FGF12: variants seen among roughly 807,000 people sequenced by gnomAD.
FGF12 encodes fibroblast growth factor 12B.
In FGF12, 14 loss-of-function variants were observed where a neutral mutation model predicts 23.6. The ratio of observed to expected loss-of-function variants is 0.59; its 90% CI spans 0.39 to 0.93. The LOEUF (loss-of-function observed/expected upper bound fraction) is 0.93, where lower values mean the gene tolerates loss of function less well. FGF12 is among the 40% of genes least tolerant of loss of function. The pLI is 0.00. For missense variants in FGF12, 175 were observed against 217.8 expected, an observed-to-expected ratio of 0.80 and a Z score of 1.24; for synonymous variants, 62 against 77.3, an observed-to-expected ratio of 0.80 and a Z score of 1.04.
At chr3:192,548,025 C>G (rs997501513) in intron 2 of FGF12, among the ~76,000 whole-genome samples, 2 of 152,128 alleles carry the variant, frequency 1.3e-5, no homozygotes, top group Admixed American at 1.3e-4. Flanking sequence ...AAAAACTTTC[C>G]AACTACTACA....
intron 2 of FGF12, among the ~76,000 whole-genome samples, chr3:192,595,965 C>T (rs9831442): frequency 0.33 from 49,834 of 151,246 alleles, 8,525 homozygotes; most frequent in African/African-American, 0.41. Flanking sequence ...TGGTGGTGCA[C>T]GCCTGTAGTC....
intron 4 of FGF12, among the ~76,000 whole-genome samples, chr3:192,209,552 C>G (rs1299910247): frequency 6.6e-6 from 1 of 152,186 alleles, no homozygotes; most frequent in Non-Finnish European, 1.5e-5. Context: ...TCAGGATAAA[C>G]ATGCACAAGA....
chr3:192,718,170 T>TTTTTC (rs1228274185), intron 2 of FGF12, among the ~76,000 whole-genome samples: 1 of 146,798 alleles, frequency 6.8e-6, no homozygotes, highest in African/African-American at 2.5e-5. Flanking sequence ...TCTTTTTTTT[T>TTTTTC]TTTTTTTTTT....
At position 192,677,752 on chromosome 3, in the gene FGF12, C is replaced by T. The variant is rs113333377; in HGVS notation, c.13+49429G>A. 9.6e-3 allele frequency among the ~76,000 whole-genome samples: 1,463 copies of T among 152,250 alleles called. 10 individuals carry two copies. The highest frequency in any genetic ancestry group is 0.031 in the Middle Eastern group (9 of 294). ...ACATATGATGATGCAAAAGACAGAT[C>T]CTGGCCTGTCTTCCGTCTCACACAG... On this transcript the variant is annotated intron_variant, in intron 2 of 5. Transcript: ENST00000445105.
At chr3:192,581,798 T>C (rs1051770303) in intron 2 of FGF12, among the ~76,000 whole-genome samples, 3 of 152,176 alleles carry the variant, frequency 2.0e-5, no homozygotes, top group African/African-American at 7.2e-5. Flanking sequence ...CAAATCTACA[T>C]GGCATGGTGA....
At chr3:192,247,682 A>T (rs6795274) in intron 4 of FGF12, among the ~76,000 whole-genome samples, 1,739 of 152,290 alleles carry the variant, frequency 0.011, 26 homozygotes, top group African/African-American at 0.029. Context: ...ACTTTTAATA[A>T]GGAATGTATG....
At chr3:192,724,375 T>C (rs1428343706) in intron 2 of FGF12, among the ~76,000 whole-genome samples, 3 of 152,136 alleles carry the variant, frequency 2.0e-5, no homozygotes. Flanking sequence ...TATATGCTTT[T>C]TTCTTCCACC....
chr3:192,287,641 C>G lies in FGF12; in HGVS notation c.228+47720G>C, dbSNP rs1254915761. ...GTGGAGGGGCAAATGATTGCAAAACCTTCAGTGACTCTGAGAATGTAAATG... is the reference window on the plus strand; with the variant it reads ...GTGGAGGGGCAAATGATTGCAAAACGTTCAGTGACTCTGAGAATGTAAATG... On this transcript the variant is annotated intron_variant, in intron 4 of 5. Transcript: ENST00000445105. 2.6e-5 allele frequency among the ~76,000 whole-genome samples: 4 copies of G among 152,056 alleles called. No homozygotes were observed. In the East Asian group the frequency reaches 7.7e-4, roughly 29 times the overall value.
intron 2 of FGF12, among the ~76,000 whole-genome samples, chr3:192,686,815 A>ATTTTTTTTTTTTTTTTTT (rs57045697): frequency 3.3e-5 from 2 of 61,478 alleles, no homozygotes; most frequent in African/African-American, 8.1e-5. Flanking sequence ...TTTTTCTCTA[A>ATTTTTTTTTTTTTTTTTT]TTTTTTTTTT....
At chr3:192,371,542 TA>T (rs1297635186) in intron 2 of FGF12, among the ~76,000 whole-genome samples, 1 of 152,212 alleles carries the variant, frequency 6.6e-6, no homozygotes, top group African/African-American at 2.4e-5. Context: ...AAGCCACGCT[TA>T]TATGGTAGAT....
chr3:192,427,153 C>A (rs959436505), intron 2 of FGF12, among the ~76,000 whole-genome samples: 2 of 151,946 alleles, frequency 1.3e-5, no homozygotes, highest in African/African-American at 4.8e-5. Context: ...GAGGCAGAGG[C>A]GGGTAGATCA....
chr3:192,545,890 T>C (rs899336404), intron 2 of FGF12, among the ~76,000 whole-genome samples: 18 of 149,278 alleles, frequency 1.2e-4, no homozygotes, highest in African/African-American at 4.4e-4. Flanking sequence ...CTAAGACAAA[T>C]TAGATCTCAG....
At chr3:192,330,319 G>T (rs1717041529) in intron 4 of FGF12, among the ~76,000 whole-genome samples, 1 of 152,084 alleles carries the variant, frequency 6.6e-6, no homozygotes, top group Non-Finnish European at 1.5e-5. Flanking sequence ...CACACCTTCT[G>T]ACTTCAAAAT....
chr3:192,533,133 C>T (rs1725134398), intron 2 of FGF12, among the ~76,000 whole-genome samples: 1 of 152,182 alleles, frequency 6.6e-6, no homozygotes, highest in Admixed American at 6.5e-5. Flanking sequence ...GAATACTTCA[C>T]TTCTTCTTCA....
chr3:192,463,454 A>T (rs1444708085), intron 2 of FGF12, among the ~76,000 whole-genome samples: 1 of 152,230 alleles, frequency 6.6e-6, no homozygotes, highest in East Asian at 1.9e-4. Flanking sequence ...GTTCAAAGGA[A>T]TTATCAAAAT....
At chr3:192,582,759 C>G (rs1713209858) in intron 2 of FGF12, among the ~76,000 whole-genome samples, 1 of 152,048 alleles carries the variant, frequency 6.6e-6, no homozygotes, top group Non-Finnish European at 1.5e-5. Flanking sequence ...GAACCAGGAT[C>G]AAGGTGAAGA....
chr3:192,541,938 C>A (rs1318663884), intron 2 of FGF12, among the ~76,000 whole-genome samples: 1 of 151,662 alleles, frequency 6.6e-6, no homozygotes, highest in Non-Finnish European at 1.5e-5. Flanking sequence ...TTTTCTCTTG[C>A]CACTTTTAGG....
At chr3:192,599,783 CAT>C (rs889187076) in intron 2 of FGF12, among the ~76,000 whole-genome samples, 20 of 151,970 alleles carry the variant, frequency 1.3e-4, no homozygotes, top group South Asian at 6.2e-4. Context: ...AATAATAAAA[CAT>C]GTAAATAATA....
chr3:192,457,876 G>A (rs186964246), intron 2 of FGF12, among the ~76,000 whole-genome samples: 267 of 152,288 alleles, frequency 1.8e-3, no homozygotes, highest in African/African-American at 6.2e-3. Context: ...GGAGGCCAAG[G>A]AGAAAAAAGT....
Sources: allele counts gnomAD v4.1 joint callset (sites outside exome capture counted in the v4.1 genomes callset), GRCh38; gene constraint gnomAD v4.1.1; transcripts MANE v1.5; gene names NCBI Gene and HGNC (gene_info 2026-07-23, HGNC 2026-07-21).